Variants in C2orf81 observed in about 807,000 individuals in gnomAD.
C2orf81 encodes chromosome 2 open reading frame 81, also known as uncharacterized protein C2orf81.
A neutral mutation model predicts 7.9 loss-of-function variants in C2orf81; 5 were observed. The observed-to-expected ratio is 0.63, with a 90% CI of 0.33 to 1.33. C2orf81 has a LOEUF of 1.33. C2orf81 is among the 40% of genes most tolerant of loss of function. The pLI, the probability that C2orf81 is intolerant of heterozygous loss-of-function variation, is 0.05. For missense variants in C2orf81, 781 were observed against 830.4 expected (o/e 0.94, Z 0.73); for synonymous variants, 346 against 367.4 (o/e 0.94, Z 0.66).
At chr2:74,417,893 A>G (rs1477332805) in intron 1 of C2orf81, among the ~76,000 whole-genome samples, 2 of 141,446 alleles carry the variant, frequency 1.4e-5, no homozygotes, top group Non-Finnish European at 3.1e-5. Flanking sequence ...GAGTGGGTGG[A>G]CGGGGGGAGG....
In C2orf81 at chr2:74,416,208, T is replaced by A; in HGVS notation, c.52A>T (p.Thr18Ser). ...QERQVRDRGV[T>S]RSKAEKVRPP... ...CGCACTTTTTCCGCCTTGGACCGGG[T>A]CACCCCGCGGTCTCGGACCTGCCTC... The change falls in exon 2 of 3, where the codon ACC (threonine) becomes TCC (serine). Residue 18 changes from threonine (T) to serine (S), a missense_variant. Transcript: ENST00000684111. 1 of 1,416,000 alleles carries A rather than the reference T, an allele frequency of 7.1e-7. No homozygotes were observed. Among genetic ancestry groups the A allele is most frequent in the South Asian group, 1.2e-5 (1 of 81,974 alleles). 87.7% of individuals were successfully genotyped at this position (1,416,000 alleles called of 1,614,324 possible).
At chr2:74,418,071 G>C in intron 1 of C2orf81, 2 of 569,412 alleles carry the variant, frequency 3.5e-6, no homozygotes, top group Non-Finnish European at 6.5e-6. Flanking sequence ...GGTGGGGGGT[G>C]GGAGGTGGGG....
intron 1 of C2orf81, chr2:74,416,565 C>CAAAAAAAAAAAAAAAAAAA (rs59349435): frequency 5.7e-5 from 3 of 52,196 alleles, no homozygotes; most frequent in African/African-American, 1.6e-4. Context: ...GACTGCGTCT[C>CAAAAAAAAAAAAAAAAAAA]AAAAAAAAAA....
intron 1 of C2orf81, chr2:74,417,665 TG>T: frequency 1.4e-6 from 1 of 711,766 alleles, no homozygotes; most frequent in Non-Finnish European, 2.0e-6. Flanking sequence ...GACAGTGGAG[TG>T]GGGTGTGCCA....
At position 74,414,744 on chromosome 2, in the gene C2orf81, C is replaced by T; in HGVS notation, c.1433G>A (p.Arg478His). The part of the protein sequence containing the change: ...SKLPLPNSRI[R>H]FLTTHPVLPD... ...GAGCACCGGGTGTGTGGTGAGGAAG[C>T]GGATCCTGGAGTTTGGGAGTGGCAG... The change falls in exon 3 of 3, where the codon CGC becomes CAC. Residue 478 changes from arginine (R) to histidine (H), a missense_variant. By Grantham distance (29) the Arg-to-His change is conservative. Coordinates refer to ENST00000684111, the MANE Select transcript of C2orf81 (RefSeq NM_001316764.3). The surrounding 1 kb of genome is among the most constrained non-coding windows in gnomAD (Gnocchi z 5.3). 3 of 1,549,860 alleles carry T rather than the reference C, an allele frequency of 1.9e-6. No homozygotes were observed. The highest frequency in any genetic ancestry group is 2.6e-6 in the Non-Finnish European group (3 of 1,145,862).
At chr2:74,418,955 T>A (rs1410998858) in intron 1 of C2orf81, among the ~76,000 whole-genome samples, 1 of 145,552 alleles carries the variant, frequency 6.9e-6, no homozygotes, top group Non-Finnish European at 1.5e-5. Flanking sequence ...CCGAGGTGGG[T>A]GGATCATTTG....
intron 1 of C2orf81, chr2:74,416,682 G>GA (rs1160355227): frequency 6.4e-6 from 1 of 157,004 alleles, no homozygotes; most frequent in Non-Finnish European, 1.4e-5. Context: ...CAGACAATGT[G>GA]AAGGTTTAAC....
Position 74,415,572 on chromosome 2 carries a change from C to G in C2orf81, c.605G>C (p.Gly202Ala), listed in dbSNP as rs916384762. Residue 202 changes from glycine to alanine, a missense_variant, in exon 3 of 3, where the codon GGT becomes GCT. Transcript: ENST00000684111. This position sits in a 1 kb window ranked among gnomAD's most constrained non-coding sequence, Gnocchi z 5.5. Reference protein sequence around the residue: ...DRIPLGRSWMGRGSQEQMESW... With the variant: ...DRIPLGRSWMARGSQEQMESW... Reference sequence around the variant, plus strand: ...TTCCATCTGCTCCTGGGAGCCTCGACCCATCCACGACCTTCCTAAAGGGAT... The same window carrying G: ...TTCCATCTGCTCCTGGGAGCCTCGAGCCATCCACGACCTTCCTAAAGGGAT... The G allele has an allele frequency of 1.9e-5, 30 of 1,551,112 alleles. No homozygotes were observed. The highest frequency in any genetic ancestry group is 2.4e-5 in the Non-Finnish European group (28 of 1,146,896).
chr2:74,418,079 G>A lies in C2orf81; in HGVS notation c.19-1838C>T, dbSNP rs547378275. ...GGGAAGGGGTGGGGGGTGGGAGGTG[G>A]GGGGTTGGGAGCAGATCAAAGCTGT... On this transcript the variant is annotated intron_variant, in intron 1 of 2. Transcript: ENST00000684111. The A allele has an allele frequency of 3.6e-3, 2,206 of 613,802 alleles. 5 individuals carry two copies. The highest frequency in any genetic ancestry group is 5.3e-3 in the Non-Finnish European group (1,771 of 331,860). 38.0% of individuals were successfully genotyped at this position (613,802 alleles called of 1,614,324 possible). A position where few individuals can be genotyped will look rare whatever the true frequency, so the allele number is the denominator to read the frequency against.
rs1225754891 is a variant in C2orf81, at chr2:74,414,360, G to A, written c.1817C>T (p.Pro606Leu). 6.6e-7 allele frequency: 1 copy of A among 1,506,532 alleles called. No individual in the cohort carries two copies. Among genetic ancestry groups the A allele is most frequent in the Non-Finnish European group, 8.9e-7 (1 of 1,121,016 alleles). The allele number at this position is 1,506,532 out of a possible 1,614,324, so 93.3% of individuals were successfully genotyped here. A position where few individuals can be genotyped will look rare whatever the true frequency, so the allele number is the denominator to read the frequency against. ...GSTFPPVEQH[P>L]IQTGAPKPR Reference sequence around the variant, plus strand: ...GGGCTTTGGGGCACCTGTCTGGATGGGATGTTGCTCAACGGGAGGAAAGGT... The same window carrying A: ...GGGCTTTGGGGCACCTGTCTGGATGAGATGTTGCTCAACGGGAGGAAAGGT... The change falls in exon 3 of 3, where the codon CCC (proline) becomes CTC (leucine). Residue 606 changes from proline to leucine, a missense_variant. Physicochemically the swap from Pro to Leu is moderately conservative, Grantham distance 98. Coordinates refer to ENST00000684111, the MANE Select transcript of C2orf81 (RefSeq NM_001316764.3). The surrounding 1 kb of genome is among the most constrained non-coding windows in gnomAD (Gnocchi z 5.3).
Position 74,415,941 on chromosome 2 carries a change from A to AG in C2orf81, c.250-15dup, listed in dbSNP as rs759839074. 1 of 1,546,646 alleles carries AG rather than the reference A, an allele frequency of 6.5e-7. No homozygotes were observed. The highest frequency in any genetic ancestry group is 1.2e-5 in the South Asian group (1 of 83,878). The stretch of plus-strand genomic sequence containing the variant: ...GAATGGAATGCACTGCGGAGGCGAG[A>AG]GAGGATCTCAGGTCGGCAGGGAGGG... On this transcript the variant is annotated splice_polypyrimidine_tract_variant and intron_variant, in intron 2 of 2. Transcript: ENST00000684111. The surrounding 1 kb of genome is among the most constrained non-coding windows in gnomAD (Gnocchi z 5.5).
intron 1 of C2orf81, among the ~76,000 whole-genome samples, chr2:74,420,965 C>A (rs757582685): frequency 6.6e-6 from 1 of 151,556 alleles, no homozygotes; most frequent in Non-Finnish European, 1.5e-5. Context: ...GTATTTTAGT[C>A]GAGACGGGGT....
At chr2:74,418,353 G>A in intron 1 of C2orf81, 1 of 1,599,144 alleles carries the variant, frequency 6.3e-7, no homozygotes, top group Non-Finnish European at 8.6e-7. Context: ...GAGGCTGCTT[G>A]CGCGGCCTGC....
intron 1 of C2orf81, chr2:74,417,787 CAG>C: frequency 3.8e-6 from 2 of 522,050 alleles, no homozygotes; most frequent in South Asian, 3.3e-5. Context: ...ACCAAAAGCC[CAG>C]AGAGCAATGT....
In C2orf81 at chr2:74,414,230, G is replaced by C; in HGVS notation, c.*99C>G. On this transcript the variant is annotated 3_prime_UTR_variant, in exon 3 of 3. Transcript: ENST00000684111. This position sits in a 1 kb window ranked among gnomAD's most constrained non-coding sequence, Gnocchi z 5.3. ...TTCTGGCTAGCAGAGGGAGGGACCAGTTACTACTGCCAGAGGCTCAGGGAT... is the reference window on the plus strand; with the variant it reads ...TTCTGGCTAGCAGAGGGAGGGACCACTTACTACTGCCAGAGGCTCAGGGAT... 1 of 1,244,738 alleles carries C rather than the reference G, an allele frequency of 8.0e-7. No homozygotes were observed. The highest frequency in any genetic ancestry group is 1.1e-6 in the Non-Finnish European group (1 of 948,992). 77.1% of individuals were successfully genotyped at this position (1,244,738 alleles called of 1,614,324 possible).
Position 74,414,707 on chromosome 2 carries a change from G to A in C2orf81, c.1470C>T (p.Ala490=). The change falls in exon 3 of 3, where the codon GCC becomes GCT. Residue 490 remains alanine (A), a synonymous_variant. Coordinates refer to ENST00000684111, the MANE Select transcript of C2orf81 (RefSeq NM_001316764.3). This position sits in a 1 kb window ranked among gnomAD's most constrained non-coding sequence, Gnocchi z 5.3. The part of the protein sequence containing the change: ...LTTHPVLPDV[A]RSRSPKLWPS... ...GCCACAGCTTGGGGCTGCGGCTGCG[G>A]GCCACATCAGGGAGCACCGGGTGTG... 6.5e-7 allele frequency: 1 copy of A among 1,544,466 alleles called. No individual in the cohort carries two copies. Among genetic ancestry groups the A allele is most frequent in the Non-Finnish European group, 8.8e-7 (1 of 1,142,146 alleles).
rs547915479 is a variant in C2orf81, at chr2:74,419,740, T to C, written c.18+1803A>G. Among the ~76,000 whole-genome samples, 6 of 152,308 alleles carry C rather than the reference T, an allele frequency of 3.9e-5. No homozygotes were observed. In the South Asian group the frequency reaches 1.2e-3, roughly 32 times the overall value. On this transcript the variant is annotated intron_variant, in intron 1 of 2. Coordinates refer to ENST00000684111, the MANE Select transcript of C2orf81 (RefSeq NM_001316764.3). ...TTGACATGCTATATATACTGAAATATTATGCAATGATTAAAGGTAATCTTT... is the reference window on the plus strand; with the variant it reads ...TTGACATGCTATATATACTGAAATACTATGCAATGATTAAAGGTAATCTTT...
chr2:74,420,465 T>C (rs559872984), intron 1 of C2orf81, among the ~76,000 whole-genome samples: 1 of 152,318 alleles, frequency 6.6e-6, no homozygotes, highest in African/African-American at 2.4e-5. Context: ...TAAAACCTTG[T>C]CTCATATCTG....
intron 1 of C2orf81, chr2:74,417,525 C>T: frequency 8.6e-7 from 1 of 1,162,832 alleles, no homozygotes; most frequent in Non-Finnish European, 1.2e-6. Context: ...GGCTGTCCAA[C>T]CTAGTGCAGG....
Sources: gnomAD v4.1 joint callset for allele counts (sites outside exome capture counted in the v4.1 genomes callset) on GRCh38, gnomAD v4.1.1 for gene constraint, Gnocchi (gnomAD v3.1) non-coding constraint, MANE v1.5 for transcripts, NCBI Gene and HGNC (gene_info 2026-07-23, HGNC 2026-07-21) for gene names.